Variants in LRRC1 observed in about 807,000 individuals in gnomAD.
The protein encoded by LRRC1 is leucine-rich repeat-containing protein 1.
A neutral mutation model predicts 69.9 loss-of-function variants in LRRC1; 28 were observed. The observed-to-expected ratio is 0.40, with a 90% CI of 0.30 to 0.55. LRRC1 has a LOEUF of 0.55. Among genes scored for constraint, LRRC1 ranks in the 20% least tolerant of loss-of-function variants. The probability of loss-of-function intolerance (pLI) is 0.47; values close to 1 mark genes in which losing one functional copy is unlikely to be tolerated. For missense variants in LRRC1, 498 were observed against 609.0 expected (o/e 0.82, Z 1.92); for synonymous variants, 236 against 240.2 (o/e 0.98, Z 0.16).
At chr6:53,857,350 G>C (rs921188068) in intron 2 of LRRC1, among the ~76,000 whole-genome samples, 1 of 152,194 alleles carries the variant, frequency 6.6e-6, no homozygotes, top group Non-Finnish European at 1.5e-5. Context: ...GGTAGTGTGG[G>C]AGCCAAGCAA....
chr6:53,804,538 C>T (rs1040885077), intron 1 of LRRC1, among the ~76,000 whole-genome samples: 1 of 152,176 alleles, frequency 6.6e-6, no homozygotes, highest in Admixed American at 6.5e-5. Flanking sequence ...AACACCATAT[C>T]TTGGACATTT....
intron 7 of LRRC1, among the ~76,000 whole-genome samples, chr6:53,899,040 A>G (rs1767962089): frequency 6.6e-6 from 1 of 152,214 alleles, no homozygotes; most frequent in Non-Finnish European, 1.5e-5. Context: ...GTCAAGGTAA[A>G]GGAGTAATGA....
At chr6:53,862,797 G>T (rs1395164305) in intron 2 of LRRC1, among the ~76,000 whole-genome samples, 1 of 152,018 alleles carries the variant, frequency 6.6e-6, no homozygotes, top group East Asian at 1.9e-4. Context: ...ATGATAAATG[G>T]GATGCATTTG....
chr6:53,882,761 A>T (rs1235493044), intron 3 of LRRC1, 126 bp from the exon 4 acceptor site: 1 of 594,686 alleles, frequency 1.7e-6, no homozygotes, highest in African/African-American at 1.9e-5. Flanking sequence ...AACATGCCAT[A>T]TATAATGTCA....
intron 1 of LRRC1, among the ~76,000 whole-genome samples, chr6:53,830,469 A>G (rs1765395456): frequency 6.6e-6 from 1 of 152,228 alleles, no homozygotes; most frequent in African/African-American, 2.4e-5. Flanking sequence ...CTGGATTAAT[A>G]TTAGAATTTA....
At chr6:53,910,202 A>G (rs1768365585) in intron 10 of LRRC1, among the ~76,000 whole-genome samples, 1 of 152,198 alleles carries the variant, frequency 6.6e-6, no homozygotes, top group African/African-American at 2.4e-5. Flanking sequence ...ATTCTCAGAG[A>G]ATCCAAGTCC....
At chr6:53,883,802 G>A (rs989526171) in intron 4 of LRRC1, 2 of 660,290 alleles carry the variant, frequency 3.0e-6, no homozygotes, top group African/African-American at 1.8e-5. Context: ...TCCTGCGTAA[G>A]TTCTAAGACA....
chr6:53,805,469 C>A (rs558993545), intron 1 of LRRC1, among the ~76,000 whole-genome samples: 1 of 152,232 alleles, frequency 6.6e-6, no homozygotes, highest in South Asian at 2.1e-4. Flanking sequence ...TGGATCAGCA[C>A]CCCCACCTCA....
intron 4 of LRRC1, among the ~76,000 whole-genome samples, chr6:53,889,890 T>TA (rs1209888255): frequency 3.3e-5 from 5 of 152,240 alleles, no homozygotes; most frequent in African/African-American, 1.2e-4. Context: ...AGTTTATTCT[T>TA]ACAGGAAATA....
intron 3 of LRRC1, 126 bp downstream of exon 3, chr6:53,879,197 G>A: frequency 1.6e-6 from 1 of 633,552 alleles, no homozygotes; most frequent in South Asian, 1.8e-5. Flanking sequence ...TATCAAGGAT[G>A]GTTGACTTTC....
intron 2 of LRRC1, among the ~76,000 whole-genome samples, chr6:53,858,678 G>A (rs940083509): frequency 6.6e-6 from 1 of 152,202 alleles, no homozygotes; most frequent in East Asian, 1.9e-4. Flanking sequence ...TACAAGAGGA[G>A]AGCACCATTT....
chr6:53,831,323 T>C (rs1240448522), intron 1 of LRRC1, among the ~76,000 whole-genome samples: 1 of 152,172 alleles, frequency 6.6e-6, no homozygotes, highest in Non-Finnish European at 1.5e-5. Context: ...TGGAATCCTG[T>C]GGGATTTCAG....
At chr6:53,820,406 A>G (rs1442144631) in intron 1 of LRRC1, among the ~76,000 whole-genome samples, 2 of 147,508 alleles carry the variant, frequency 1.4e-5, no homozygotes, top group Non-Finnish European at 3.0e-5. Context: ...TACAGCATCT[A>G]GTATGGAGCT....
At chr6:53,874,752 T>C (rs1377381225) in intron 2 of LRRC1, among the ~76,000 whole-genome samples, 1 of 152,190 alleles carries the variant, frequency 6.6e-6, no homozygotes, top group Admixed American at 6.5e-5. Context: ...GGAGAAATCT[T>C]TCTATTTTAG....
intron 1 of LRRC1, among the ~76,000 whole-genome samples, chr6:53,799,854 CCTT>C (rs1285405411): frequency 2.0e-5 from 3 of 152,206 alleles, no homozygotes; most frequent in African/African-American, 7.2e-5. Flanking sequence ...TCTGATCCTT[CCTT>C]CTTCTCTCCA....
intron 11 of LRRC1, among the ~76,000 whole-genome samples, chr6:53,917,457 CTAA>C (rs1768603415): frequency 6.6e-6 from 1 of 152,312 alleles, no homozygotes; most frequent in Admixed American, 6.5e-5. Context: ...GTTGTAGAGT[CTAA>C]TAATTTATTT....
chr6:53,920,858 T>A (rs754163782), intron 13 of LRRC1, 97 bp downstream of exon 13: 105 of 1,386,314 alleles, frequency 7.6e-5, no homozygotes, highest in Middle Eastern at 2.1e-4. Context: ...ATTAGTATGT[T>A]CTCTGCTTTG....
intron 1 of LRRC1, among the ~76,000 whole-genome samples, chr6:53,802,535 A>G (rs750205021): frequency 3.0e-4 from 46 of 152,192 alleles, no homozygotes; most frequent in Non-Finnish European, 5.1e-4. Context: ...AAGATGCTCA[A>G]CAAAACCTGG....
chr6:53,821,059 C>G (rs1291080254), intron 1 of LRRC1, among the ~76,000 whole-genome samples: 2 of 152,244 alleles, frequency 1.3e-5, no homozygotes, highest in African/African-American at 4.8e-5. Context: ...ATGTCACTTA[C>G]ACCACGCTTT....
Sources: allele counts gnomAD v4.1 joint callset (sites outside exome capture counted in the v4.1 genomes callset), GRCh38; gene constraint gnomAD v4.1.1; transcripts MANE v1.5; gene names NCBI Gene and HGNC (gene_info 2026-07-23, HGNC 2026-07-21).